The following USP31 variants were observed in gnomAD, a reference collection of about 807,000 sequenced individuals.
USP31 encodes ubiquitin specific peptidase 31.
In USP31, 44 loss-of-function variants were observed where a neutral mutation model predicts 119.4. The observed-to-expected ratio is 0.37, with a 90% CI of 0.29 to 0.47. The LOEUF is 0.47. USP31 is among the 20% of genes least tolerant of loss of function. The pLI is 0.99. For missense variants in USP31, 1,643 were observed against 1,730.2 expected (o/e 0.95, Z 0.89); for synonymous variants, 749 against 705.6 (o/e 1.06, Z -0.97).
chr16:23,107,924 T>C (rs903757795), intron 2 of USP31, 122 bp downstream of exon 2: 2 of 1,252,156 alleles, frequency 1.6e-6, no homozygotes, highest in Non-Finnish European at 2.2e-6. Context: ...AGCCACTGAA[T>C]CTTATACTCA....
chr16:23,085,003 G>C lies in USP31; in HGVS notation c.1701-14C>G. 6.2e-7 allele frequency: 1 copy of C among 1,612,906 alleles called. No homozygotes were observed. The highest frequency in any genetic ancestry group is 2.2e-5 in the East Asian group (1 of 44,844). On this transcript the variant is annotated splice_polypyrimidine_tract_variant and intron_variant, in intron 10 of 15. Transcript: ENST00000219689. The stretch of plus-strand genomic sequence containing the variant: ...TTTACAAATAAGCTGCAATTAGGGG[G>C]AAAAGCATCTATCAGGGAATGTCTT...
chr16:23,068,891 G>A lies in USP31; in HGVS notation c.3214C>T (p.Arg1072Cys), dbSNP rs780622514. ...GAAGAATCTGCTTTGCTGCGGGAGC[G>A]GGAGGGCTTTAGAGAGACTTTTACA... ...LPVKVSLKPSRSRSKADSSSR... is the reference protein window; with the variant it reads ...LPVKVSLKPSCSRSKADSSSR... The change falls in exon 16 of 16, where the codon CGC becomes TGC. Residue 1072 changes from arginine to cysteine, a missense_variant. Physicochemically the swap from Arg to Cys is radical, Grantham distance 180. Transcript: ENST00000219689. 66 of 1,604,162 alleles carry A rather than the reference G, an allele frequency of 4.1e-5. No homozygotes were observed. Among genetic ancestry groups the A allele is most frequent in the South Asian group, 7.8e-5 (7 of 89,322 alleles).
rs369375199 is a variant in USP31 at position 23,148,663 on chromosome 16, G to C, written c.608C>G (p.Thr203Ser). 1.6e-5 allele frequency: 24 copies of C among 1,497,722 alleles called. No individual in the cohort carries two copies. Among genetic ancestry groups the C allele is most frequent in the Non-Finnish European group, 2.1e-5 (24 of 1,127,284 alleles). 92.8% of individuals were successfully genotyped at this position (1,497,722 alleles called of 1,614,324 possible). A position where few individuals can be genotyped will look rare whatever the true frequency, so the allele number is the denominator to read the frequency against. The change falls in exon 1 of 16, where the codon ACC becomes AGC. Residue 203 changes from threonine to serine, a missense_variant. By Grantham distance (58) the Thr-to-Ser change is moderately conservative. Transcript: ENST00000219689. The part of the protein sequence containing the change: ...LVRALWTLEY[T>S]PQHSRDFKTI... ...CTTGAAGTCGCGGCTGTGCTGCGGG[G>C]TGTACTCCAGGGTCCAGAGGGCCCG...
chr16:23,143,619 G>A (rs887051627), intron 1 of USP31, among the ~76,000 whole-genome samples: 1 of 151,862 alleles, frequency 6.6e-6, no homozygotes, highest in Admixed American at 6.6e-5. Context: ...GAGAGAGCGC[G>A]AGAGATAACA....
chr16:23,144,410 T>C (rs1903444915), intron 1 of USP31, among the ~76,000 whole-genome samples: 1 of 152,138 alleles, frequency 6.6e-6, no homozygotes, highest in South Asian at 2.1e-4. Context: ...GAAATAACGA[T>C]GTCCACCCCA....
chr16:23,102,306 G>C lies in USP31; in HGVS notation c.1234+13C>G, dbSNP rs1306096770. On this transcript the variant is annotated intron_variant, in intron 6 of 15. Transcript: ENST00000219689. ...AAACCCAGGTGGCATTATGGAAACAGGAGCTCCCTTACCTCTTTGACTGAG... is the reference window on the plus strand; with the variant it reads ...AAACCCAGGTGGCATTATGGAAACACGAGCTCCCTTACCTCTTTGACTGAG... The C allele has an allele frequency of 1.2e-6, 2 of 1,608,336 alleles. No individual in the cohort carries two copies. Among genetic ancestry groups the C allele is most frequent in the East Asian group, 4.5e-5 (2 of 44,776 alleles).
At position 23,069,080 on chromosome 16, in the gene USP31, G is replaced by A. The variant is rs1400399369; in HGVS notation, c.3025C>T (p.Pro1009Ser). ...TTTGCGAGTGAGCCTGGGTGGCTGG[G>A]GGCTTTCACCTCTTTGACTGGAGAG... The part of the protein sequence containing the change: ...DSSPVKEVKA[P>S]SHPGSLAKKP... The change falls in exon 16 of 16, where the codon CCC becomes TCC. Residue 1009 changes from proline (P) to serine (S), a missense_variant. Coordinates refer to ENST00000219689, the MANE Select transcript of USP31 (RefSeq NM_020718.4). The A allele has an allele frequency of 6.2e-7, 1 of 1,612,378 alleles. No individual in the cohort carries two copies. Among genetic ancestry groups the A allele is most frequent in the Non-Finnish European group, 8.5e-7 (1 of 1,180,016 alleles).
At chr16:23,147,849 C>T (rs1300775921) in intron 1 of USP31, among the ~76,000 whole-genome samples, 1 of 152,064 alleles carries the variant, frequency 6.6e-6, no homozygotes, top group Non-Finnish European at 1.5e-5. Context: ...GAAGGTGAGG[C>T]GGGAGGATTG....
intron 1 of USP31, among the ~76,000 whole-genome samples, chr16:23,144,017 C>T (rs1246409330): frequency 2.6e-5 from 4 of 152,096 alleles, no homozygotes; most frequent in African/African-American, 9.7e-5. Flanking sequence ...TTTTTTACAG[C>T]ATATCAAGGT....
intron 1 of USP31, among the ~76,000 whole-genome samples, chr16:23,143,310 A>G (rs562813388): frequency 7.2e-5 from 11 of 152,322 alleles, no homozygotes; most frequent in Middle Eastern, 3.4e-3. Flanking sequence ...TTGAAAGATG[A>G]CCATCCATCT....
intron 1 of USP31, among the ~76,000 whole-genome samples, chr16:23,128,516 T>C (rs909056712): frequency 4.6e-5 from 7 of 152,092 alleles, no homozygotes; most frequent in African/African-American, 1.7e-4. Context: ...TTTTGAAAAC[T>C]GAAAAATAAA....
At chr16:23,127,534 C>T (rs1160914346) in intron 1 of USP31, among the ~76,000 whole-genome samples, 1 of 152,122 alleles carries the variant, frequency 6.6e-6, no homozygotes, top group Non-Finnish European at 1.5e-5. Context: ...ACGATCTCAG[C>T]TCACTGCAAC....
At chr16:23,099,966 C>G (rs183533284) in intron 6 of USP31, among the ~76,000 whole-genome samples, 9 of 152,194 alleles carry the variant, frequency 5.9e-5, no homozygotes, top group Admixed American at 5.9e-4. Context: ...CAAATCAAAA[C>G]CATAATGAGA....
chr16:23,120,250 A>C (rs1042163037), intron 1 of USP31, among the ~76,000 whole-genome samples: 1 of 152,228 alleles, frequency 6.6e-6, no homozygotes, highest in Non-Finnish European at 1.5e-5. Flanking sequence ...TGATAATCTG[A>C]AAGAGTTAAA....
intron 1 of USP31, among the ~76,000 whole-genome samples, chr16:23,132,852 A>G (rs529447550): frequency 5.1e-4 from 77 of 152,252 alleles, no homozygotes; most frequent in African/African-American, 1.4e-3. Context: ...TGCCATCCCC[A>G]AACACCGTTT....
In USP31 at chr16:23,064,933, C is replaced by A. The variant is rs1900005156; in HGVS notation, c.*3113G>T. Reference sequence around the variant, plus strand: ...CCCACATCCGTTCCCACTGGTCCAGCATATTATTACTTACTTTCAGTTCAG... The same window carrying A: ...CCCACATCCGTTCCCACTGGTCCAGAATATTATTACTTACTTTCAGTTCAG... On this transcript the variant is annotated 3_prime_UTR_variant, in exon 16 of 16. Coordinates refer to ENST00000219689, the MANE Select transcript of USP31 (RefSeq NM_020718.4). The A allele has an allele frequency of 6.6e-6, 1 of 152,162 alleles. No individual in the cohort carries two copies. Among genetic ancestry groups the A allele is most frequent in the Admixed American group, 6.5e-5 (1 of 15,284 alleles). The allele number at this position is 152,162 out of a possible 1,614,324, so 9.4% of individuals were successfully genotyped here. A position where few individuals can be genotyped will look rare whatever the true frequency, so the allele number is the denominator to read the frequency against.
At position 23,087,877 on chromosome 16, in the gene USP31, AT is replaced by A. The variant is rs760066224; in HGVS notation, c.1416-43del. Reference sequence around the variant, plus strand: ...ATGTAATCACCTTTAAAGTACGGTAATTCCTTTAACACTGTTATCTTTTTTT... The same window carrying A: ...ATGTAATCACCTTTAAAGTACGGTAATCCTTTAACACTGTTATCTTTTTTT... On this transcript the variant is annotated intron_variant, in intron 7 of 15. Coordinates refer to ENST00000219689, the MANE Select transcript of USP31 (RefSeq NM_020718.4). 2.6e-6 allele frequency: 4 copies of A among 1,521,488 alleles called. No homozygotes were observed. In the African/African-American group the frequency reaches 5.5e-5, roughly 21 times the overall value. The allele number at this position is 1,521,488 out of a possible 1,614,324, so 94.2% of individuals were successfully genotyped here. A position where few individuals can be genotyped will look rare whatever the true frequency, so the allele number is the denominator to read the frequency against.
rs1213185680 is a variant in USP31 at position 23,071,973 on chromosome 16, G to A, written c.2488+72C>T. ...CATCTCCTTGGGACTTAGCTCCTAG[G>A]AAAAACACGAGGGACTCTGCTGTGT... On this transcript the variant is annotated intron_variant, in intron 15 of 15. Transcript: ENST00000219689. 1.9e-5 allele frequency: 30 copies of A among 1,540,554 alleles called. No individual in the cohort carries two copies. In the East Asian group the frequency reaches 6.8e-4, roughly 35 times the overall value.
chr16:23,105,089 A>C (rs897199962), intron 5 of USP31, among the ~76,000 whole-genome samples: 1 of 152,228 alleles, frequency 6.6e-6, no homozygotes, highest in Non-Finnish European at 1.5e-5. Flanking sequence ...CAAGTTTTCA[A>C]AGCCTCTTTG....
Sources: allele counts gnomAD v4.1 joint callset (sites outside exome capture counted in the v4.1 genomes callset), GRCh38; gene constraint gnomAD v4.1.1; transcripts MANE v1.5; gene names NCBI Gene and HGNC (gene_info 2026-07-23, HGNC 2026-07-21).